Variants in ULBP2 observed in about 807,000 individuals in gnomAD.
The protein encoded by ULBP2 is UL16-binding protein 2.
ULBP2 carries 21 observed loss-of-function variants against 23.6 expected under a neutral mutation model. The ratio of observed to expected loss-of-function variants is 0.89; its 90% confidence interval spans 0.63 to 1.28. The LOEUF is 1.28. Among genes scored for constraint, ULBP2 ranks in the 50% most tolerant of loss-of-function variants. ULBP2 has a pLI of 0.00. For synonymous variants in ULBP2, 82 were observed against 112.8 expected, an observed-to-expected ratio of 0.73 and a Z score of 1.73; for missense variants, 251 against 306.0, an observed-to-expected ratio of 0.82 and a Z score of 1.34.
intron 1 of ULBP2, among the ~76,000 whole-genome samples, chr6:149,942,444 C>A (rs1437322704): frequency 6.6e-6 from 1 of 152,102 alleles, no homozygotes; most frequent in African/African-American, 2.4e-5. Flanking sequence ...CCTGGTGCAG[C>A]CTGGCAGTCC....
chr6:149,944,772 T>G (rs1778909686), intron 1 of ULBP2, among the ~76,000 whole-genome samples: 1 of 138,714 alleles, frequency 7.2e-6, no homozygotes, highest in African/African-American at 3.1e-5. Flanking sequence ...TGTCCAAGGT[T>G]TCAGGAAGGC....
rs953186710 is a variant in ULBP2, at chr6:149,949,233, A to G, written c.*533A>G. 6.6e-6 allele frequency: 1 copy of G among 152,272 alleles called. No homozygotes were observed. The highest frequency in any genetic ancestry group is 2.4e-5 in the African/African-American group (1 of 41,432). 9.4% of individuals were successfully genotyped at this position (152,272 alleles called of 1,614,324 possible). On this transcript the variant is annotated 3_prime_UTR_variant, in exon 5 of 5. Coordinates refer to ENST00000367351, the MANE Select transcript of ULBP2 (RefSeq NM_025217.4). ...TTAAATAAAGAGTTCTATTTCCCAA[A>G]AACCTACGGTGTTTAGAATTTTGTT...
chr6:149,947,372 C>CCTCA lies in ULBP2; in HGVS notation c.685_688dup (p.Ile230ThrfsTer24), dbSNP rs1311260431. The CCTCA allele has an allele frequency of 6.6e-7, 1 of 1,505,398 alleles. No individual in the cohort carries two copies. Among genetic ancestry groups the CCTCA allele is most frequent in the South Asian group, 1.2e-5 (1 of 83,982 alleles). The allele number at this position is 1,505,398 out of a possible 1,614,324, so 93.3% of individuals were successfully genotyped here. On this transcript the variant is annotated frameshift_variant, in exon 4 of 5. Coordinates refer to ENST00000367351, the MANE Select transcript of ULBP2 (RefSeq NM_025217.4). LOFTEE classifies it high-confidence loss of function. The stretch of plus-strand genomic sequence containing the variant: ...CCCAACTCAGGGCCACAGCCACCAC[C>CCTCA]CTCATCCTTTGCTGCCTCCTCATCA...
At chr6:149,942,515 G>A (rs1778878792) in intron 1 of ULBP2, among the ~76,000 whole-genome samples, 1 of 152,056 alleles carries the variant, frequency 6.6e-6, no homozygotes, top group Non-Finnish European at 1.5e-5. Context: ...ACAGGACAGG[G>A]GTGAAGCGGG....
intron 4 of ULBP2, among the ~76,000 whole-genome samples, chr6:149,948,079 C>A (rs78352467): frequency 7.4e-6 from 1 of 136,016 alleles, no homozygotes; most frequent in Middle Eastern, 3.9e-3. Context: ...TGGACATGTG[C>A]AGCTCGAGTC....
chr6:149,948,510 C>T (rs564967332), intron 4 of ULBP2, among the ~76,000 whole-genome samples: 12 of 152,268 alleles, frequency 7.9e-5, no homozygotes, highest in South Asian at 4.1e-4. Flanking sequence ...CACTCCATCC[C>T]CTGGTCAGGT....
chr6:149,948,379 C>A (rs142978600), intron 4 of ULBP2, among the ~76,000 whole-genome samples: 1 of 152,210 alleles, frequency 6.6e-6, no homozygotes, highest in Admixed American at 6.5e-5. Context: ...GAATATGGAG[C>A]CCTCTTTTTG....
At chr6:149,946,733 T>G in intron 3 of ULBP2, 80 bp downstream of exon 3, 1 of 1,588,996 alleles carries the variant, frequency 6.3e-7, no homozygotes. Flanking sequence ...GAGTTCAGCT[T>G]CAATCATCCC....
In ULBP2 at chr6:149,945,338, G is replaced by A. The variant is rs149841016; in HGVS notation, c.115G>A (p.Val39Ile). Residue 39 changes from valine to isoleucine, a missense_variant, in exon 2 of 5, where the codon GTC becomes ATC. Val to Ile is a conservative substitution (Grantham distance 29, BLOSUM62 3). This residue lies in a region of ULBP2 where 248 missense variants were observed against 258.9 expected (regional missense o/e 0.96). Coordinates refer to ENST00000367351, the MANE Select transcript of ULBP2 (RefSeq NM_025217.4). Reference sequence around the variant, plus strand: ...TCACTCTCTTTGCTATGACATCACCGTCATCCCTAAGTTCAGACCTGGACC... The same window carrying A: ...TCACTCTCTTTGCTATGACATCACCATCATCCCTAAGTTCAGACCTGGACC... ...DPHSLCYDITVIPKFRPGPRW... is the reference protein window; with the variant it reads ...DPHSLCYDITIIPKFRPGPRW... 42 of 1,611,344 alleles carry A rather than the reference G, an allele frequency of 2.6e-5. No individual in the cohort carries two copies. Among genetic ancestry groups the A allele is most frequent in the South Asian group, 5.5e-5 (5 of 90,914 alleles).
At position 149,946,611 on chromosome 6, in the gene ULBP2, T is replaced by G. The variant is rs1261083252; in HGVS notation, c.589T>G (p.Phe197Val). ...MGDCIGWLED[F>V]LMGMDSTLEP... ...AGACTGTATAGGATGGCTTGAGGAC[T>G]TCTTGATGGGCATGGACAGCACCCT... The change falls in exon 3 of 5, where the codon TTC becomes GTC. Residue 197 changes from phenylalanine (F) to valine (V), a missense_variant. Coordinates refer to ENST00000367351, the MANE Select transcript of ULBP2 (RefSeq NM_025217.4). 6.2e-7 allele frequency: 1 copy of G among 1,614,016 alleles called. No individual in the cohort carries two copies. The highest frequency in any genetic ancestry group is 8.5e-7 in the Non-Finnish European group (1 of 1,180,028).
At chr6:149,942,416 C>A (rs1040098899) in intron 1 of ULBP2, among the ~76,000 whole-genome samples, 9 of 152,174 alleles carry the variant, frequency 5.9e-5, no homozygotes, top group African/African-American at 2.2e-4. Flanking sequence ...CTGCAGAGAG[C>A]GAGGTGGGGC....
intron 1 of ULBP2, among the ~76,000 whole-genome samples, chr6:149,943,906 A>T (rs1336736248): frequency 6.6e-6 from 1 of 151,960 alleles, no homozygotes; most frequent in Admixed American, 6.5e-5. Flanking sequence ...CACTTAAGGT[A>T]GGTCCAGCCT....
intron 1 of ULBP2, among the ~76,000 whole-genome samples, chr6:149,943,107 C>T (rs557740674): frequency 2.0e-4 from 31 of 152,266 alleles, no homozygotes; most frequent in African/African-American, 5.3e-4. Flanking sequence ...GTGGGTTCTC[C>T]GTCTCAGTGT....
At chr6:149,942,635 G>A (rs570778930) in intron 1 of ULBP2, among the ~76,000 whole-genome samples, 1 of 151,082 alleles carries the variant, frequency 6.6e-6, no homozygotes, top group South Asian at 2.2e-4. Flanking sequence ...GCGTGCCCTT[G>A]AATTTTTCCC....
At chr6:149,948,389 G>A (rs1322836173) in intron 4 of ULBP2, among the ~76,000 whole-genome samples, 1 of 152,156 alleles carries the variant, frequency 6.6e-6, no homozygotes, top group Non-Finnish European at 1.5e-5. Flanking sequence ...CCCTCTTTTT[G>A]GAAGTCTGCC....
Position 149,942,036 on chromosome 6 carries a change from C to T in ULBP2, c.-37C>T, listed in dbSNP as rs769389661. ...GTGATTCATCTTCCAGGCTCTCCTT[C>T]CATCAAGTCTCTCATCCCTAGCGCT... On this transcript the variant is annotated 5_prime_UTR_variant, in exon 1 of 5. Transcript: ENST00000367351. 1.3e-6 allele frequency: 2 copies of T among 1,599,532 alleles called. No individual in the cohort carries two copies. The highest frequency in any genetic ancestry group is 3.4e-5 in the Admixed American group (2 of 58,160).
In ULBP2 at chr6:149,946,461, A is replaced by G; in HGVS notation, c.439A>G (p.Ile147Val). 1 of 1,614,192 alleles carries G rather than the reference A, an allele frequency of 6.2e-7. No individual in the cohort carries two copies. Residue 147 changes from isoleucine to valine, a missense_variant, in exon 3 of 5, where the codon ATC becomes GTC. Physicochemically the swap from Ile to Val is conservative, Grantham distance 29. Transcript: ENST00000367351. ...GSWQFSFDGQ[I>V]FLLFDSEKRM... ...TTGGCAGTTCAGTTTCGATGGGCAG[A>G]TCTTCCTCCTCTTTGACTCAGAGAA...
At chr6:149,942,618 C>A (rs1378219606) in intron 1 of ULBP2, among the ~76,000 whole-genome samples, 7 of 151,982 alleles carry the variant, frequency 4.6e-5, no homozygotes, top group Non-Finnish European at 8.8e-5. Context: ...CCAGCGCCCC[C>A]AGGGCTGCGT....
At chr6:149,946,742 C>A in intron 3 of ULBP2, 89 bp downstream of exon 3, 3 of 1,572,296 alleles carry the variant, frequency 1.9e-6, no homozygotes, top group South Asian at 1.2e-5. Flanking sequence ...TTCAATCATC[C>A]CAGTATACAC....
Sources: gnomAD v4.1 joint callset for allele counts (sites outside exome capture counted in the v4.1 genomes callset) on GRCh38, gnomAD v4.1.1 for gene constraint, gnomAD v4.1.1 regional missense constraint, MANE v1.5 for transcripts, NCBI Gene and HGNC (gene_info 2026-07-23, HGNC 2026-07-21) for gene names.